Variants in RANBP17 observed in about 807,000 individuals in gnomAD.
RANBP17 encodes ran-binding protein 17.
Under a neutral mutation model 141.2 loss-of-function variants are expected in RANBP17, and 158 were observed. The ratio of observed to expected loss-of-function variants is 1.12; its 90% CI spans 0.98 to 1.28. The LOEUF is 1.28. RANBP17 is among the 50% of genes most tolerant of loss of function. The pLI is 0.00. For synonymous variants in RANBP17, 430 were observed against 450.0 expected, an observed-to-expected ratio of 0.96 and a Z score of 0.56; for missense variants, 1,438 against 1,290.7, an observed-to-expected ratio of 1.11 and a Z score of -1.75.
intron 18 of RANBP17, among the ~76,000 whole-genome samples, chr5:171,187,139 G>A (rs1761311996): frequency 6.6e-6 from 1 of 152,072 alleles, no homozygotes; most frequent in African/African-American, 2.4e-5. Context: ...AGAAAATAGA[G>A]AGGCCTGAGA....
chr5:170,943,486 A>T (rs1774502866), intron 12 of RANBP17, among the ~76,000 whole-genome samples: 1 of 152,168 alleles, frequency 6.6e-6, no homozygotes, highest in South Asian at 2.1e-4. Context: ...GTTATAAACC[A>T]TAATTACAGA....
At chr5:171,121,356 G>A (rs1326021547) in intron 14 of RANBP17, among the ~76,000 whole-genome samples, 3 of 152,240 alleles carry the variant, frequency 2.0e-5, no homozygotes, top group Non-Finnish European at 4.4e-5. Flanking sequence ...ACGCAAGTGC[G>A]AGGCTGCTCT....
chr5:171,287,067 T>C (rs185964148), intron 25 of RANBP17, among the ~76,000 whole-genome samples: 1 of 152,212 alleles, frequency 6.6e-6, no homozygotes, highest in East Asian at 1.9e-4. Context: ...GAAACTTAGA[T>C]GCATTTATTA....
intron 14 of RANBP17, among the ~76,000 whole-genome samples, chr5:170,986,374 G>A (rs979285406): frequency 3.3e-5 from 5 of 151,828 alleles, no homozygotes; most frequent in Non-Finnish European, 7.4e-5. Context: ...GCATTAAGCC[G>A]ATAAGTGCTC....
intron 1 of RANBP17, among the ~76,000 whole-genome samples, chr5:170,873,828 C>T (rs956106474): frequency 8.6e-5 from 13 of 151,576 alleles, no homozygotes; most frequent in Non-Finnish European, 8.8e-5. Context: ...AAGGATTTTT[C>T]GTGTCTCTAT....
intron 24 of RANBP17, chr5:171,251,752 T>C: frequency 1.2e-6 from 1 of 848,294 alleles, no homozygotes; most frequent in Non-Finnish European, 2.0e-6. Flanking sequence ...GGTGGCCCCG[T>C]TCCCCTCCTC....
chr5:171,199,484 G>C (rs1040593858), intron 18 of RANBP17, among the ~76,000 whole-genome samples, 186 bp from the exon 19 acceptor site: 2 of 152,124 alleles, frequency 1.3e-5, no homozygotes, highest in African/African-American at 4.8e-5. Context: ...TATTTCATTT[G>C]ATGCAAAAGA....
intron 19 of RANBP17, among the ~76,000 whole-genome samples, chr5:171,201,153 C>G (rs1370358111): frequency 6.6e-6 from 1 of 152,142 alleles, no homozygotes; most frequent in African/African-American, 2.4e-5. Context: ...TGATAGAAAC[C>G]ATCTTCCTAG....
chr5:170,981,475 C>G (rs532307829), intron 14 of RANBP17, among the ~76,000 whole-genome samples: 15 of 152,022 alleles, frequency 9.9e-5, no homozygotes, highest in African/African-American at 3.6e-4. Flanking sequence ...GGGAGGGAAG[C>G]AGGTCTTTCC....
At chr5:170,938,553 G>A (rs527526458) in intron 12 of RANBP17, among the ~76,000 whole-genome samples, 21 of 152,198 alleles carry the variant, frequency 1.4e-4, no homozygotes, top group Admixed American at 1.2e-3. Flanking sequence ...AATTATGTGC[G>A]AAATAGTTAA....
chr5:171,104,644 TAGTCTC>T (rs534406268), intron 14 of RANBP17, among the ~76,000 whole-genome samples: 28 of 152,298 alleles, frequency 1.8e-4, no homozygotes, highest in South Asian at 8.3e-4. Context: ...TAGACAAACT[TAGTCTC>T]AGTCATGCTA....
At chr5:170,917,550 G>A (rs1328337167) in intron 9 of RANBP17, among the ~76,000 whole-genome samples, 2 of 152,040 alleles carry the variant, frequency 1.3e-5, no homozygotes, top group Non-Finnish European at 2.9e-5. Context: ...ATTTTGGGGG[G>A]TGACATATAT....
chr5:171,221,247 G>A lies in RANBP17; in HGVS notation c.2340-511G>A, dbSNP rs551650807. ...TTGTATGCAGTGGAAACTGTAATGT[G>A]TTTGAAATATGCCTGAAGTGTCAGG... On this transcript the variant is annotated intron_variant, in intron 21 of 27. Coordinates refer to ENST00000523189, the MANE Select transcript of RANBP17 (RefSeq NM_022897.5). 3.3e-5 allele frequency among the ~76,000 whole-genome samples: 5 copies of A among 152,316 alleles called. No homozygotes were observed. In the South Asian group the frequency reaches 1.0e-3, roughly 32 times the overall value.
At chr5:170,894,133 A>T (rs796501869) in intron 4 of RANBP17, among the ~76,000 whole-genome samples, 5 of 152,296 alleles carry the variant, frequency 3.3e-5, no homozygotes, top group African/African-American at 1.2e-4. Context: ...ACTAGGGCAG[A>T]AGGATAGTTT....
At chr5:171,205,989 C>A (rs1762556755) in intron 20 of RANBP17, 1 of 363,286 alleles carries the variant, frequency 2.8e-6, no homozygotes, top group Admixed American at 3.8e-5. Context: ...CTGGGAAGAT[C>A]ATTTTATCTC....
chr5:171,052,736 T>G (rs1314892910), intron 14 of RANBP17, among the ~76,000 whole-genome samples: 1 of 152,178 alleles, frequency 6.6e-6, no homozygotes, highest in Non-Finnish European at 1.5e-5. Context: ...GAACATCAGA[T>G]TTTCTGTTTC....
At chr5:170,928,880 G>A (rs2127453769) in intron 12 of RANBP17, among the ~76,000 whole-genome samples, 1 of 151,728 alleles carries the variant, frequency 6.6e-6, no homozygotes, top group East Asian at 1.9e-4. Flanking sequence ...TTTTGATAGG[G>A]TTTGCCTCAA....
intron 24 of RANBP17, chr5:171,251,828 C>T (rs1765585347): frequency 8.7e-6 from 11 of 1,264,320 alleles, no homozygotes; most frequent in Non-Finnish European, 9.3e-6. Context: ...ATCCTAATGA[C>T]AGTCTCCAAA....
At chr5:171,053,875 GTT>G (rs1330949306) in intron 14 of RANBP17, among the ~76,000 whole-genome samples, 6 of 58,530 alleles carry the variant, frequency 1.0e-4, no homozygotes, top group Non-Finnish European at 8.9e-5. Context: ...TCAGTGTTTA[GTT>G]CATATATATA....
Sources: allele counts gnomAD v4.1 joint callset (sites outside exome capture counted in the v4.1 genomes callset), GRCh38; gene constraint gnomAD v4.1.1; transcripts MANE v1.5; gene names NCBI Gene and HGNC (gene_info 2026-07-23, HGNC 2026-07-21).